Variants in DPH2 observed in about 807,000 individuals in gnomAD.
DPH2 encodes 2-(3-amino-3-carboxypropyl)histidine synthase subunit 2.
A neutral mutation model predicts 42.5 loss-of-function variants in DPH2; 28 were observed. The observed-to-expected ratio is 0.66, with a 90% CI of 0.49 to 0.90. DPH2 has a LOEUF of 0.90. DPH2 is among the 40% of genes least tolerant of loss of function. DPH2 has a pLI of 0.00. For missense variants in DPH2, 576 were observed against 636.0 expected, an observed-to-expected ratio of 0.91 and a Z score of 1.01; for synonymous variants, 279 against 264.4, an observed-to-expected ratio of 1.06 and a Z score of -0.53.
At position 43,972,007 on chromosome 1, in the gene DPH2, A is replaced by G; in HGVS notation, c.1105A>G (p.Asn369Asp). Reference sequence around the variant, plus strand: ...ACCATGTGAGCTGGAAGCTGCCTGCAACCCTGCCTGGCCACCTCCAGGCCT... The same window carrying G: ...ACCATGTGAGCTGGAAGCTGCCTGCGACCCTGCCTGGCCACCTCCAGGCCT... The part of the protein sequence containing the change: ...LAPCELEAAC[N>D]PAWPPPGLAP... Residue 369 changes from asparagine to aspartate, a missense_variant, in exon 4 of 6, where the codon AAC (asparagine) becomes GAC (aspartate). This residue lies in a region of DPH2 where 178 missense variants were observed against 184.4 expected (regional missense o/e 0.97). Coordinates refer to ENST00000255108, the MANE Select transcript of DPH2 (RefSeq NM_001384.5). The G allele has an allele frequency of 6.2e-7, 1 of 1,614,190 alleles. No homozygotes were observed. The highest frequency in any genetic ancestry group is 8.5e-7 in the Non-Finnish European group (1 of 1,180,030).
At chr1:43,970,907 G>A in intron 2 of DPH2, 59 bp from the exon 3 acceptor site, 1 of 1,518,868 alleles carries the variant, frequency 6.6e-7, no homozygotes, top group Non-Finnish European at 9.0e-7. Context: ...ATTTCCCAGT[G>A]ATGACAGCAA....
Position 43,972,169 on chromosome 1 carries a change from C to T in DPH2, c.1180C>T (p.His394Tyr). The T allele has an allele frequency of 6.2e-7, 1 of 1,613,690 alleles. No homozygotes were observed. The highest frequency in any genetic ancestry group is 8.5e-7 in the Non-Finnish European group (1 of 1,179,726). The part of the protein sequence containing the change: ...YADLLPGSPF[H>Y]VALPPPESEL... Reference sequence around the variant, plus strand: ...CTCCTCCCTTTCAGGCTCTCCCTTCCACGTGGCTCTCCCACCACCTGAGTC... The same window carrying T: ...CTCCTCCCTTTCAGGCTCTCCCTTCTACGTGGCTCTCCCACCACCTGAGTC... Residue 394 changes from histidine to tyrosine, a missense_variant, in exon 5 of 6, where the codon CAC (histidine) becomes TAC (tyrosine). His to Tyr is a moderately conservative substitution (Grantham distance 83). This residue lies in a region of DPH2 where 178 missense variants were observed against 184.4 expected (regional missense o/e 0.97). Transcript: ENST00000255108.
In DPH2 at chr1:43,972,977, G is replaced by A. The variant is rs2085467274; in HGVS notation, c.*438G>A. ...GTGGGGCTGTCTGGTGTATGGTAGG[G>A]TGCTCAGCAGCATCCCTGGCCTCTG... is the stretch of plus-strand genomic sequence containing the variant. On this transcript the variant is annotated 3_prime_UTR_variant, in exon 6 of 6. Coordinates refer to ENST00000255108, the MANE Select transcript of DPH2 (RefSeq NM_001384.5). The A allele has an allele frequency of 6.3e-6, 1 of 158,622 alleles. No individual in the cohort carries two copies. Among genetic ancestry groups the A allele is most frequent in the African/African-American group, 2.4e-5 (1 of 41,518 alleles). 9.8% of individuals were successfully genotyped at this position (158,622 alleles called of 1,614,324 possible).
At position 43,972,456 on chromosome 1, in the gene DPH2, C is replaced by T. The variant is rs753387029; in HGVS notation, c.1387C>T (p.Arg463Cys). The change falls in exon 6 of 6, where the codon CGC becomes TGC. Residue 463 changes from arginine to cysteine, a missense_variant. By Grantham distance (180) the Arg-to-Cys change is radical. This residue lies in a region of DPH2 where 178 missense variants were observed against 184.4 expected (regional missense o/e 0.97). Coordinates refer to ENST00000255108, the MANE Select transcript of DPH2 (RefSeq NM_001384.5). ...SSRSWQGLEP[R>C]LGQTPVTEAV... ...CCGGAGCTGGCAAGGGCTGGAGCCC[C>T]GCCTGGGTCAGACGCCAGTGACAGA... The T allele has an allele frequency of 4.2e-5, 68 of 1,614,120 alleles. No individual in the cohort carries two copies. The Admixed American group carries it at 8.3e-4, about 20-fold the overall frequency.
At chr1:43,970,803 T>C in intron 2 of DPH2, 95 bp downstream of exon 2, 9 of 1,342,406 alleles carry the variant, frequency 6.7e-6, no homozygotes, top group South Asian at 1.2e-5. Context: ...GTGGTGTTTC[T>C]CCTTGATGAT....
chr1:43,970,645 C>G lies in DPH2; in HGVS notation c.197C>G (p.Ala66Gly). Reference sequence around the variant, plus strand: ...CTATTGGGAGATGCTGTGGCTGTGGCTGCACGACTGGAGGAGACGACAGGG... The same window carrying G: ...CTATTGGGAGATGCTGTGGCTGTGGGTGCACGACTGGAGGAGACGACAGGG... ...DQLLGDAVAV[A>G]ARLEETTGSK... is the part of the protein sequence containing the mutation. Residue 66 changes from alanine to glycine, a missense_variant, in exon 2 of 6, where the codon GCT (alanine) becomes GGT (glycine). By Grantham distance (60) the Ala-to-Gly change is moderately conservative. Around this residue, in one of 3 missense-constraint regions of DPH2, gnomAD observed 395 missense variants for 435.2 expected, o/e 0.91. Coordinates refer to ENST00000255108, the MANE Select transcript of DPH2 (RefSeq NM_001384.5). 3.1e-6 allele frequency: 5 copies of G among 1,614,192 alleles called. No individual in the cohort carries two copies. Among genetic ancestry groups the G allele is most frequent in the Non-Finnish European group, 4.2e-6 (5 of 1,180,024 alleles).
At position 43,971,881 on chromosome 1, in the gene DPH2, C is replaced by A. The variant is rs765789493; in HGVS notation, c.979C>A (p.Leu327Ile). Residue 327 changes from leucine (L) to isoleucine (I), a missense_variant, in exon 4 of 6, where the codon CTT (leucine) becomes ATT (isoleucine). By Grantham distance (5) the Leu-to-Ile change is conservative. Coordinates refer to ENST00000255108, the MANE Select transcript of DPH2 (RefSeq NM_001384.5). The part of the protein sequence containing the change: ...LALGRPTPAK[L>I]ANFPEVDVFV... ...CCTGGGGCGGCCCACCCCTGCCAAG[C>A]TTGCCAACTTCCCTGAGGTGGATGT... 1.1e-5 allele frequency: 17 copies of A among 1,614,074 alleles called. No individual in the cohort carries two copies. The highest frequency in any genetic ancestry group is 1.2e-5 in the Non-Finnish European group (14 of 1,180,042).
Position 43,971,420 on chromosome 1 carries a change from T to G in DPH2, c.518T>G (p.Leu173Arg). The change falls in exon 4 of 6, where the codon CTG becomes CGG. Residue 173 changes from leucine to arginine, a missense_variant. By Grantham distance (102) the Leu-to-Arg change is moderately radical. Around this residue, in one of 3 missense-constraint regions of DPH2, gnomAD observed 395 missense variants for 435.2 expected, o/e 0.91. Coordinates refer to ENST00000255108, the MANE Select transcript of DPH2 (RefSeq NM_001384.5). ...ALATLLRPRY[L>R]DLLVSSPAFP... ...GCTACTCTCCTGCGCCCACGGTACC[T>G]GGACCTGCTAGTCTCCAGCCCAGCT... 1 of 1,606,464 alleles carries G rather than the reference T, an allele frequency of 6.2e-7. No homozygotes were observed. Among genetic ancestry groups the G allele is most frequent in the Non-Finnish European group, 8.5e-7 (1 of 1,174,836 alleles).
chr1:43,972,699 G>T lies in DPH2; in HGVS notation c.*160G>T, dbSNP rs1050395557. The stretch of plus-strand genomic sequence containing the variant: ...ACAGGATAGGATCCGTCTCTGTCCT[G>T]TCCTGGCACTGGCACAAGCTCAGCA... On this transcript the variant is annotated 3_prime_UTR_variant, in exon 6 of 6. Transcript: ENST00000255108. The T allele has an allele frequency of 1.9e-6, 2 of 1,026,424 alleles. No homozygotes were observed. The highest frequency in any genetic ancestry group is 3.2e-5 in the African/African-American group (2 of 62,206). The allele number at this position is 1,026,424 out of a possible 1,614,324, so 63.6% of individuals were successfully genotyped here.
In DPH2 at chr1:43,971,936, C is replaced by G. The variant is rs2085438219; in HGVS notation, c.1034C>G (p.Ala345Gly). The change falls in exon 4 of 6, where the codon GCT becomes GGT. Residue 345 changes from alanine (A) to glycine (G), a missense_variant. Physicochemically the swap from Ala to Gly is moderately conservative, Grantham distance 60. This residue lies in a region of DPH2 where 178 missense variants were observed against 184.4 expected (regional missense o/e 0.97). Transcript: ENST00000255108. ...GTGCTATTAGCCTGTCCTCTGGGTG[C>G]TCTAGCCCCCCAGCTTTCTGGTAGC... ...VFVLLACPLGALAPQLSGSFF... is the reference protein window; with the variant it reads ...VFVLLACPLGGLAPQLSGSFF... 6.2e-7 allele frequency: 1 copy of G among 1,614,224 alleles called. No homozygotes were observed. Among genetic ancestry groups the G allele is most frequent in the African/African-American group, 1.3e-5 (1 of 75,066 alleles).
In DPH2 at chr1:43,972,009, C is replaced by A; in HGVS notation, c.1107C>A (p.Asn369Lys). The change falls in exon 4 of 6, where the codon AAC becomes AAA. Residue 369 changes from asparagine to lysine, a missense_variant. Around this residue, in one of 3 missense-constraint regions of DPH2, gnomAD observed 178 missense variants for 184.4 expected, o/e 0.97. Coordinates refer to ENST00000255108, the MANE Select transcript of DPH2 (RefSeq NM_001384.5). ...CATGTGAGCTGGAAGCTGCCTGCAA[C>A]CCTGCCTGGCCACCTCCAGGCCTGG... ...LAPCELEAAC[N>K]PAWPPPGLAP... is the part of the protein sequence containing the mutation. The A allele has an allele frequency of 6.2e-7, 1 of 1,614,218 alleles. No individual in the cohort carries two copies. The highest frequency in any genetic ancestry group is 8.5e-7 in the Non-Finnish European group (1 of 1,180,040).
chr1:43,971,203 C>T lies in DPH2; in HGVS notation c.484+14C>T. ...CCCATGCCCTGGGTAAGGGGTTTTG[C>T]CTGTGTATGCACAAAGGGTGAGCCA... On this transcript the variant is annotated intron_variant, in intron 3 of 5. Transcript: ENST00000255108. 1 of 1,550,274 alleles carries T rather than the reference C, an allele frequency of 6.5e-7. No homozygotes were observed. The highest frequency in any genetic ancestry group is 8.7e-7 in the Non-Finnish European group (1 of 1,145,800).
At chr1:43,970,810 T>A (rs771783956) in intron 2 of DPH2, 102 bp downstream of exon 2, 90 of 1,327,328 alleles carry the variant, frequency 6.8e-5, no homozygotes, top group Non-Finnish European at 6.5e-5. Context: ...TTCTCCTTGA[T>A]GATAATGGTA....
rs1328221859 is a variant in DPH2, at chr1:43,971,019, A to G, written c.314A>G (p.His105Arg). The change falls in exon 3 of 6, where the codon CAT (histidine) becomes CGT (arginine). Residue 105 changes from histidine to arginine, a missense_variant. His to Arg is a conservative substitution (Grantham distance 29, BLOSUM62 0). Around this residue, in one of 3 missense-constraint regions of DPH2, gnomAD observed 395 missense variants for 435.2 expected, o/e 0.91. Transcript: ENST00000255108. ...AEQAGAQALI[H>R]FGPACLSPPA... ...CAAGCTGGAGCTCAGGCTCTCATAC[A>G]TTTTGGCCCTGCCTGCTTAAGCCCT... 6.9e-6 allele frequency: 11 copies of G among 1,586,038 alleles called. No homozygotes were observed. Among genetic ancestry groups the G allele is most frequent in the African/African-American group, 2.7e-5 (2 of 74,594 alleles).
chr1:43,970,020 A>T lies in DPH2; in HGVS notation c.-156A>T, dbSNP rs1571778942. ...GTGTAGCGGAGAAACAGTAGTTAGGATGGCTGAAGGGGATACTCACCGGCT... is the reference window on the plus strand; with the variant it reads ...GTGTAGCGGAGAAACAGTAGTTAGGTTGGCTGAAGGGGATACTCACCGGCT... On this transcript the variant is annotated 5_prime_UTR_variant, in exon 1 of 6. The change abolishes an upstream ATG in the 5' untranslated region. Transcript: ENST00000255108. 1.1e-5 allele frequency: 9 copies of T among 824,990 alleles called. No individual in the cohort carries two copies. Among genetic ancestry groups the T allele is most frequent in the Non-Finnish European group, 1.6e-5 (9 of 545,754 alleles). The allele number at this position is 824,990 out of a possible 1,614,324, so 51.1% of individuals were successfully genotyped here. A position where few individuals can be genotyped will look rare whatever the true frequency, so the allele number is the denominator to read the frequency against.
At chr1:43,970,924 T>C in intron 2 of DPH2, 42 bp from the exon 3 acceptor site, 1 of 1,550,544 alleles carries the variant, frequency 6.4e-7, no homozygotes, top group Non-Finnish European at 8.8e-7. Flanking sequence ...GCAACTCGCC[T>C]CCAGAAGAGA....
At position 43,971,986 on chromosome 1, in the gene DPH2, T is replaced by C. The variant is rs202242792; in HGVS notation, c.1084T>C (p.Cys362Arg). 36 of 1,614,210 alleles carry C rather than the reference T, an allele frequency of 2.2e-5. 1 individual carries two copies. Among genetic ancestry groups the C allele is most frequent in the Non-Finnish European group, 2.9e-5 (34 of 1,180,042 alleles). The change falls in exon 4 of 6, where the codon TGT (cysteine) becomes CGT (arginine). Residue 362 changes from cysteine to arginine, a missense_variant. Around this residue, in one of 3 missense-constraint regions of DPH2, gnomAD observed 178 missense variants for 184.4 expected, o/e 0.97. Transcript: ENST00000255108. ...GSFFQPILAPCELEAACNPAW... is the reference protein window; with the variant it reads ...GSFFQPILAPRELEAACNPAW... Reference sequence around the variant, plus strand: ...CTTCTTCCAGCCTATACTGGCACCATGTGAGCTGGAAGCTGCCTGCAACCC... The same window carrying C: ...CTTCTTCCAGCCTATACTGGCACCACGTGAGCTGGAAGCTGCCTGCAACCC...
In DPH2 at chr1:43,972,150, C is replaced by T; in HGVS notation, c.1169-8C>T. Reference sequence around the variant, plus strand: ...TGAGTATGGATTTTCTTTCCTCCTCCCTTTCAGGCTCTCCCTTCCACGTGG... The same window carrying T: ...TGAGTATGGATTTTCTTTCCTCCTCTCTTTCAGGCTCTCCCTTCCACGTGG... On this transcript the variant is annotated splice_region_variant and splice_polypyrimidine_tract_variant and intron_variant, in intron 4 of 5. Transcript: ENST00000255108. The T allele has an allele frequency of 5.0e-6, 8 of 1,612,078 alleles. No individual in the cohort carries two copies. The highest frequency in any genetic ancestry group is 1.1e-5 in the South Asian group (1 of 90,970).
Position 43,971,137 on chromosome 1 carries a change from C to A in DPH2, c.432C>A (p.Asp144Glu), listed in dbSNP as rs765451553. 1.4e-5 allele frequency: 22 copies of A among 1,557,056 alleles called. No individual in the cohort carries two copies. In the South Asian group the frequency reaches 1.8e-4, roughly 13 times the overall value. The stretch of plus-strand genomic sequence containing the variant: ...AGGCCTTTGAGGCCCAGAACCCAGA[C>A]CCCAAAGCGCCTGTGGTGCTGCTGA... ...CVKAFEAQNP[D>E]PKAPVVLLSE... Residue 144 changes from aspartate (D) to glutamate (E), a missense_variant, in exon 3 of 6, where the codon GAC becomes GAA. Around this residue, in one of 3 missense-constraint regions of DPH2, gnomAD observed 395 missense variants for 435.2 expected, o/e 0.91. Coordinates refer to ENST00000255108, the MANE Select transcript of DPH2 (RefSeq NM_001384.5).
Sources: gnomAD v4.1 joint callset for allele counts on GRCh38, gnomAD v4.1.1 for gene constraint, gnomAD v4.1.1 regional missense constraint, MANE v1.5 for transcripts, NCBI Gene and HGNC (gene_info 2026-07-23, HGNC 2026-07-21) for gene names.